The following PRKCA variants were observed in gnomAD, a reference collection of about 807,000 sequenced individuals.
The protein encoded by PRKCA is protein kinase C alpha type.
A neutral mutation model predicts 87.0 loss-of-function variants in PRKCA; 27 were observed. The ratio of observed to expected loss-of-function variants is 0.31; its 90% CI spans 0.23 to 0.43. The LOEUF (loss-of-function observed/expected upper bound fraction) is 0.43, where lower values mean the gene tolerates loss of function less well. Ranked by LOEUF, PRKCA falls within the 20% of genes least tolerant of loss-of-function variation. The pLI is 1.00. For missense variants in PRKCA, 518 were observed against 852.3 expected, an observed-to-expected ratio of 0.61 and a Z score of 4.88; for synonymous variants, 329 against 311.1, an observed-to-expected ratio of 1.06 and a Z score of -0.61.
intron 3 of PRKCA, among the ~76,000 whole-genome samples, chr17:66,638,744 G>A (rs1341228684): frequency 6.6e-6 from 1 of 151,952 alleles, no homozygotes; most frequent in African/African-American, 2.4e-5. Flanking sequence ...GCTACTCGGG[G>A]GGCTGAGGCA....
Position 66,803,771 on chromosome 17 carries a change from A to AG in PRKCA, c.1855-101dup, listed in dbSNP as rs537311370. ...AGATTCCTCCTCCTAACCAGCCCGG[A>AG]GTTCCCCAGGGCCGTGCCCCTCCCC... On this transcript the variant is annotated intron_variant, in intron 16 of 16. Coordinates refer to ENST00000413366, the MANE Select transcript of PRKCA (RefSeq NM_002737.3). This position sits in a 1 kb window ranked among gnomAD's most constrained non-coding sequence, Gnocchi z 4.4. 1.5e-3 allele frequency: 2,234 copies of AG among 1,457,804 alleles called. 4 individuals carry two copies. The highest frequency in any genetic ancestry group is 2.6e-3 in the South Asian group (199 of 75,418). The allele number at this position is 1,457,804 out of a possible 1,614,324, so 90.3% of individuals were successfully genotyped here.
At chr17:66,662,649 T>G (rs186840721) in intron 5 of PRKCA, among the ~76,000 whole-genome samples, 2 of 151,940 alleles carry the variant, frequency 1.3e-5, no homozygotes, top group East Asian at 3.9e-4. Context: ...AGGTTCTTGT[T>G]TGATTTTGTT....
At chr17:66,782,290 A>AT (rs1486310733) in intron 14 of PRKCA, among the ~76,000 whole-genome samples, 1 of 105,534 alleles carries the variant, frequency 9.5e-6, no homozygotes, top group African/African-American at 6.2e-5. Flanking sequence ...TTTTATCACA[A>AT]TTAAAAAAAA....
chr17:66,551,367 C>G (rs1968321717), intron 3 of PRKCA, among the ~76,000 whole-genome samples: 1 of 152,238 alleles, frequency 6.6e-6, no homozygotes, highest in Admixed American at 6.5e-5. Context: ...AAGGTATGGG[C>G]TGGGGCTGCG....
intron 3 of PRKCA, among the ~76,000 whole-genome samples, chr17:66,519,461 A>G (rs1967083084): frequency 6.6e-6 from 1 of 152,096 alleles, no homozygotes; most frequent in African/African-American, 2.4e-5. Flanking sequence ...AACAGTTGGA[A>G]GGTATAGTGG....
chr17:66,586,225 G>A (rs1969593607), intron 3 of PRKCA, among the ~76,000 whole-genome samples: 1 of 152,088 alleles, frequency 6.6e-6, no homozygotes, highest in Non-Finnish European at 1.5e-5. Context: ...TCACAGCTGA[G>A]GAGCCCTAAG....
At chr17:66,732,511 T>C (rs567788383) in intron 8 of PRKCA, among the ~76,000 whole-genome samples, 177 bp from the exon 9 acceptor site, 1 of 152,348 alleles carries the variant, frequency 6.6e-6, no homozygotes, top group South Asian at 2.1e-4. Context: ...TGACTTTCCC[T>C]GTAGGGTGAG....
At chr17:66,491,702 C>T (rs1433308015) in intron 2 of PRKCA, among the ~76,000 whole-genome samples, 3 of 152,212 alleles carry the variant, frequency 2.0e-5, no homozygotes, top group Non-Finnish European at 4.4e-5. Flanking sequence ...CTAATGCATC[C>T]TTTTGTTTTA....
chr17:66,458,927 A>G (rs947761164), intron 2 of PRKCA, among the ~76,000 whole-genome samples: 3 of 152,172 alleles, frequency 2.0e-5, no homozygotes, highest in African/African-American at 7.2e-5. Flanking sequence ...TGTGCCAACC[A>G]CTTGACATGG....
At chr17:66,621,077 G>A (rs1356537239) in intron 3 of PRKCA, among the ~76,000 whole-genome samples, 2 of 152,140 alleles carry the variant, frequency 1.3e-5, no homozygotes, top group Non-Finnish European at 2.9e-5. Context: ...CCCTAAAGAG[G>A]AACTCAAAGT....
At chr17:66,461,940 G>C (rs1423862792) in intron 2 of PRKCA, among the ~76,000 whole-genome samples, 2 of 138,122 alleles carry the variant, frequency 1.4e-5, no homozygotes, top group East Asian at 1.9e-4. Flanking sequence ...GAGGAGACTG[G>C]GGTTCCTAAC....
At chr17:66,512,355 T>A (rs1479967055) in intron 3 of PRKCA, among the ~76,000 whole-genome samples, 1 of 151,970 alleles carries the variant, frequency 6.6e-6, no homozygotes, top group Non-Finnish European at 1.5e-5. Flanking sequence ...GGCAGGAGAA[T>A]TGCTTGAACC....
intron 3 of PRKCA, among the ~76,000 whole-genome samples, chr17:66,582,056 G>A (rs1969456711): frequency 1.3e-5 from 2 of 152,172 alleles, no homozygotes; most frequent in African/African-American, 4.8e-5. Flanking sequence ...GTTGGTCAGT[G>A]TCCAGGCTGT....
intron 3 of PRKCA, among the ~76,000 whole-genome samples, chr17:66,529,358 CAA>C (rs1598743646): frequency 6.6e-6 from 1 of 152,120 alleles, no homozygotes; most frequent in African/African-American, 2.4e-5. Context: ...CTTTTGAGTT[CAA>C]AGAGTCATTT....
intron 16 of PRKCA, among the ~76,000 whole-genome samples, chr17:66,790,685 G>A (rs907216474): frequency 6.6e-6 from 1 of 152,212 alleles, no homozygotes; most frequent in African/African-American, 2.4e-5. Flanking sequence ...CCAATTACCT[G>A]TCAGTCACTT....
chr17:66,365,857 TTTC>T (rs1598618118), intron 2 of PRKCA, among the ~76,000 whole-genome samples: 1 of 152,212 alleles, frequency 6.6e-6, no homozygotes, highest in East Asian at 1.9e-4. Flanking sequence ...AGCCATGGTT[TTTC>T]TTTGTTGTTA....
At chr17:66,474,996 T>C (rs148470245) in intron 2 of PRKCA, among the ~76,000 whole-genome samples, 7 of 152,270 alleles carry the variant, frequency 4.6e-5, no homozygotes, top group African/African-American at 1.7e-4. Flanking sequence ...CCTCCACCCT[T>C]TGTTTCTGCA....
chr17:66,667,050 T>C (rs1462715502), intron 5 of PRKCA, among the ~76,000 whole-genome samples: 1 of 152,170 alleles, frequency 6.6e-6, no homozygotes, highest in Non-Finnish European at 1.5e-5. Flanking sequence ...TTTTCCAGAC[T>C]GAATATAAAA....
In PRKCA at chr17:66,521,393, A is replaced by G. The variant is rs536662193; in HGVS notation, c.288+25110A>G. Among the ~76,000 whole-genome samples the G allele has an allele frequency of 2.2e-4, 33 of 152,322 alleles. No individual in the cohort carries two copies. The East Asian group carries it at 6.0e-3, about 28-fold the overall frequency. ...TTTCAGCATCCAGAGGCAAACTCCT[A>G]TGTAAGGATAATGGTCGTGCATGGC... On this transcript the variant is annotated intron_variant, in intron 3 of 16. Coordinates refer to ENST00000413366, the MANE Select transcript of PRKCA (RefSeq NM_002737.3).
Sources: allele counts gnomAD v4.1 joint callset (sites outside exome capture counted in the v4.1 genomes callset), GRCh38; gene constraint gnomAD v4.1.1; non-coding constraint Gnocchi (gnomAD v3.1); transcripts MANE v1.5; gene names NCBI Gene and HGNC (gene_info 2026-07-23, HGNC 2026-07-21).